Variants in RNF13 observed in about 807,000 individuals in gnomAD.
RNF13 encodes ring finger protein 13, also known as E3 ubiquitin-protein ligase RNF13.
A neutral mutation model predicts 37.7 loss-of-function variants in RNF13; 19 were observed. That is an observed-to-expected ratio of 0.50 (90% CI 0.35 to 0.74). The LOEUF (loss-of-function observed/expected upper bound fraction) is 0.74. RNF13 is among the 30% of genes least tolerant of loss of function. RNF13 has a pLI of 0.01. For synonymous variants in RNF13, 144 were observed against 157.8 expected, an observed-to-expected ratio of 0.91 and a Z score of 0.65; for missense variants, 375 against 453.0, an observed-to-expected ratio of 0.83 and a Z score of 1.56.
intron 8 of RNF13, among the ~76,000 whole-genome samples, chr3:149,954,492 C>T (rs1230657627): frequency 6.6e-6 from 1 of 152,128 alleles, no homozygotes; most frequent in African/African-American, 2.4e-5. Context: ...TGTGCTAAAA[C>T]GTATTTCTGT....
intron 1 of RNF13, among the ~76,000 whole-genome samples, chr3:149,841,408 C>A (rs1480118759): frequency 1.3e-5 from 2 of 152,128 alleles, no homozygotes; most frequent in African/African-American, 4.8e-5. Context: ...TGAACATACA[C>A]AAAATTTTGC....
At chr3:149,832,617 C>G (rs778526928) in intron 1 of RNF13, among the ~76,000 whole-genome samples, 1 of 151,986 alleles carries the variant, frequency 6.6e-6, no homozygotes, top group African/African-American at 2.4e-5. Flanking sequence ...TAAAAAAAAT[C>G]TATGAAATTA....
chr3:149,831,029 G>A (rs1720982393), intron 1 of RNF13, among the ~76,000 whole-genome samples: 2 of 152,252 alleles, frequency 1.3e-5, no homozygotes, highest in Non-Finnish European at 2.9e-5. Flanking sequence ...CCAGAACTGA[G>A]GTTTGGGAAT....
At chr3:149,922,603 A>G (rs1718258533) in intron 8 of RNF13, among the ~76,000 whole-genome samples, 3 of 152,208 alleles carry the variant, frequency 2.0e-5, no homozygotes, top group South Asian at 2.1e-4. Context: ...GTCTCCCACA[A>G]TATAACACTG....
chr3:149,917,223 T>G (rs1414575896), intron 7 of RNF13: 1 of 152,176 alleles, frequency 6.6e-6, no homozygotes, highest in Non-Finnish European at 1.5e-5. Context: ...CTTTGGGACA[T>G]AGATGTTCAT....
intron 8 of RNF13, among the ~76,000 whole-genome samples, chr3:149,932,543 A>G (rs773031568): frequency 1.2e-4 from 18 of 152,224 alleles, no homozygotes; most frequent in Admixed American, 2.0e-4. Context: ...TTAGGTAAAC[A>G]TTCCCAATCC....
chr3:149,820,049 T>C lies in RNF13; in HGVS notation c.-17+6696T>C, dbSNP rs143437621. 3.5e-3 allele frequency among the ~76,000 whole-genome samples: 526 copies of C among 152,306 alleles called. 10 individuals are homozygous for C. Among genetic ancestry groups the C allele is most frequent in the Admixed American group, 0.026 (403 of 15,294 alleles). On this transcript the variant is annotated intron_variant, in intron 1 of 9. Coordinates refer to ENST00000392894, the MANE Select transcript of RNF13 (RefSeq NM_183381.3). ...ATTTAAATGTTTATTGCCACATTAA[T>C]GTAAACTGAAAAGAAAACTGAAATT...
chr3:149,872,800 A>G (rs1320836229), intron 4 of RNF13, among the ~76,000 whole-genome samples: 2 of 152,214 alleles, frequency 1.3e-5, no homozygotes, highest in African/African-American at 4.8e-5. Context: ...TTGGTCTTAG[A>G]TAATTTGTCC....
chr3:149,849,622 C>T (rs749792004), intron 2 of RNF13, among the ~76,000 whole-genome samples: 2 of 152,136 alleles, frequency 1.3e-5, no homozygotes, highest in African/African-American at 2.4e-5. Flanking sequence ...AGCTCTGTGG[C>T]CAGACTGCCT....
At chr3:149,816,064 A>ATTTT (rs36004917) in intron 1 of RNF13, among the ~76,000 whole-genome samples, 3 of 142,260 alleles carry the variant, frequency 2.1e-5, no homozygotes, top group Non-Finnish European at 1.5e-5. Context: ...GGCTAATTAA[A>ATTTT]TTTTTTTTTT....
chr3:149,889,042 G>T (rs982855224), intron 4 of RNF13, among the ~76,000 whole-genome samples: 2 of 151,888 alleles, frequency 1.3e-5, no homozygotes, highest in Non-Finnish European at 2.9e-5. Context: ...GGGTTCAAGC[G>T]ATTCTCCTGC....
At chr3:149,902,334 T>C (rs1715934341) in intron 6 of RNF13, among the ~76,000 whole-genome samples, 172 bp downstream of exon 6, 1 of 152,106 alleles carries the variant, frequency 6.6e-6, no homozygotes, top group African/African-American at 2.4e-5. Flanking sequence ...ATTTTACTAC[T>C]TTTTCTTTGT....
Position 149,878,911 on chromosome 3 carries a change from G to A in RNF13, c.321+6757G>A, listed in dbSNP as rs1576810102. On this transcript the variant is annotated intron_variant, in intron 4 of 9. Transcript: ENST00000392894. ...GAAGGAAGAGAAAATCAGTTCTCCA[G>A]AGAACTTTTCCATTTTGCACTTGGA... Among the ~76,000 whole-genome samples the A allele has an allele frequency of 3.3e-5, 5 of 152,264 alleles. No homozygotes were observed. The South Asian group carries it at 1.0e-3, about 32-fold the overall frequency.
intron 8 of RNF13, among the ~76,000 whole-genome samples, chr3:149,927,923 T>C (rs1718800756): frequency 6.6e-6 from 1 of 152,162 alleles, no homozygotes; most frequent in East Asian, 1.9e-4. Flanking sequence ...TGTCCTTTTA[T>C]GTACAGAAGT....
intron 1 of RNF13, among the ~76,000 whole-genome samples, chr3:149,816,064 ATT>A (rs36004917): frequency 7.0e-6 from 1 of 142,226 alleles, no homozygotes. Context: ...GGCTAATTAA[ATT>A]TTTTTTTTTT....
At chr3:149,835,162 G>A (rs566551674) in intron 1 of RNF13, among the ~76,000 whole-genome samples, 1 of 152,250 alleles carries the variant, frequency 6.6e-6, no homozygotes, top group South Asian at 2.1e-4. Context: ...GAAAAAAATA[G>A]ATGTTTGACT....
chr3:149,918,696 T>G (rs939783074), intron 7 of RNF13, among the ~76,000 whole-genome samples: 1 of 150,210 alleles, frequency 6.7e-6, no homozygotes, highest in Non-Finnish European at 1.5e-5. Flanking sequence ...GCTAATTGTT[T>G]TTTTTTTTTT....
In RNF13 at chr3:149,889,880, T is replaced by G. The variant is rs374562385; in HGVS notation, c.322-5593T>G. ...ATGTTGGCCAGACTAGTCCCGAATTTCTTGGCCAGACTGGTCGAACTCCTG... is the reference window on the plus strand; with the variant it reads ...ATGTTGGCCAGACTAGTCCCGAATTGCTTGGCCAGACTGGTCGAACTCCTG... On this transcript the variant is annotated intron_variant, in intron 4 of 9. Transcript: ENST00000392894. 1.5e-3 allele frequency among the ~76,000 whole-genome samples: 231 copies of G among 151,808 alleles called. 1 individual carries two copies. The highest frequency in any genetic ancestry group is 5.2e-3 in the African/African-American group (216 of 41,420).
At chr3:149,826,272 A>G (rs1035561478) in intron 1 of RNF13, among the ~76,000 whole-genome samples, 2 of 152,226 alleles carry the variant, frequency 1.3e-5, no homozygotes, top group African/African-American at 4.8e-5. Flanking sequence ...GATGCCTCAG[A>G]GCCCAAGTGG....
Sources: gnomAD v4.1 joint callset for allele counts (sites outside exome capture counted in the v4.1 genomes callset) on GRCh38, gnomAD v4.1.1 for gene constraint, MANE v1.5 for transcripts, NCBI Gene and HGNC (gene_info 2026-07-23, HGNC 2026-07-21) for gene names.